The following UXS1 variants were observed in gnomAD, a reference collection of about 807,000 sequenced individuals.
UXS1 encodes the protein UDP-glucuronate decarboxylase 1.
In UXS1, 33 loss-of-function variants were observed where a neutral mutation model predicts 62.6. The observed-to-expected ratio is 0.53, with a 90% CI of 0.40 to 0.70. The LOEUF is 0.70. Ranked by LOEUF, UXS1 falls within the 30% of genes least tolerant of loss-of-function variation. The pLI is 0.00. For synonymous variants in UXS1, 213 were observed against 206.8 expected (o/e 1.03, Z -0.26); for missense variants, 434 against 556.3 (o/e 0.78, Z 2.21).
chr2:106,151,632 C>T (rs1174025538), intron 5 of UXS1, among the ~76,000 whole-genome samples: 1 of 152,116 alleles, frequency 6.6e-6, no homozygotes. Flanking sequence ...CGGCACAAAA[C>T]AAACTAAGAA....
chr2:106,138,943 G>T, intron 6 of UXS1: 1 of 922,450 alleles, frequency 1.1e-6, no homozygotes, highest in Non-Finnish European at 1.3e-6. Context: ...CTGAAGGGGA[G>T]AGAAGAGGGG....
intron 14 of UXS1, among the ~76,000 whole-genome samples, chr2:106,094,588 A>G (rs892004404): frequency 4.6e-5 from 7 of 152,068 alleles, no homozygotes; most frequent in African/African-American, 7.3e-5. Context: ...GCATCTGATC[A>G]ACACGCCTGA....
At chr2:106,140,414 A>G (rs1681005246) in intron 6 of UXS1, among the ~76,000 whole-genome samples, 1 of 152,236 alleles carries the variant, frequency 6.6e-6, no homozygotes, top group African/African-American at 2.4e-5. Context: ...TCTAAATGAT[A>G]CTTCAACAAA....
intron 7 of UXS1, among the ~76,000 whole-genome samples, 166 bp downstream of exon 7, chr2:106,129,508 T>A (rs1680254337): frequency 6.6e-6 from 1 of 152,074 alleles, no homozygotes; most frequent in African/African-American, 2.4e-5. Context: ...CAAATAAAAG[T>A]CACACTGAAA....
chr2:106,158,011 A>T lies in UXS1; in HGVS notation c.291+47T>A, dbSNP rs757437938. 3.4e-6 allele frequency: 5 copies of T among 1,462,936 alleles called. No homozygotes were observed. In the South Asian group the frequency reaches 6.2e-5, roughly 18 times the overall value. 90.6% of individuals were successfully genotyped at this position (1,462,936 alleles called of 1,614,324 possible). On this transcript the variant is annotated intron_variant, in intron 5 of 14. Coordinates refer to ENST00000283148, the MANE Select transcript of UXS1 (RefSeq NM_001253875.2). ...ATGTGAATTATCTCTCAACGAAAAA[A>T]GAAAGTTTCTTAATATTACAAATAC...
At chr2:106,129,620 A>G in intron 7 of UXS1, 54 bp downstream of exon 7, 1 of 1,383,748 alleles carries the variant, frequency 7.2e-7, no homozygotes, top group Non-Finnish European at 1.0e-6. Flanking sequence ...TATGCTTGTA[A>G]TCATCTAAAA....
chr2:106,130,519 C>T (rs1431140534), intron 6 of UXS1, among the ~76,000 whole-genome samples: 1 of 152,210 alleles, frequency 6.6e-6, no homozygotes, highest in Non-Finnish European at 1.5e-5. Context: ...TACTTTTAGC[C>T]AATGGTGAGG....
At chr2:106,095,844 G>A (rs866017155) in intron 14 of UXS1, among the ~76,000 whole-genome samples, 10 of 152,340 alleles carry the variant, frequency 6.6e-5, no homozygotes, top group African/African-American at 2.2e-4. Flanking sequence ...GAGGACGAGC[G>A]TTCTCTGGCG....
At chr2:106,165,448 A>G (rs2105062518) in intron 2 of UXS1, among the ~76,000 whole-genome samples, 1 of 152,334 alleles carries the variant, frequency 6.6e-6, no homozygotes, top group East Asian at 1.9e-4. Flanking sequence ...TTTCCTTTAC[A>G]TGGAAAACTA....
intron 1 of UXS1, among the ~76,000 whole-genome samples, chr2:106,177,441 C>T (rs1431757282): frequency 1.3e-5 from 2 of 152,094 alleles, no homozygotes; most frequent in East Asian, 3.9e-4. Flanking sequence ...GGTGAACCAC[C>T]TTTTTCGGCC....
chr2:106,158,165 T>C, intron 4 of UXS1, 47 bp from the exon 5 acceptor site: 2 of 1,456,362 alleles, frequency 1.4e-6, no homozygotes, highest in South Asian at 1.2e-5. Context: ...AACATCTCAT[T>C]TGAATATTTT....
At position 106,145,383 on chromosome 2, in the gene UXS1, A is replaced by G. The variant is rs554469975; in HGVS notation, c.292-13T>C. The G allele has an allele frequency of 8.1e-6, 13 of 1,607,170 alleles. No homozygotes were observed. In the South Asian group the frequency reaches 1.4e-4, roughly 18 times the overall value. ...CGCCTCCTGTTATCTGCATCCGGACAGCGTGTGCAGAGCATTCCCAGAAAA... is the reference window on the plus strand; with the variant it reads ...CGCCTCCTGTTATCTGCATCCGGACGGCGTGTGCAGAGCATTCCCAGAAAA... On this transcript the variant is annotated splice_polypyrimidine_tract_variant and intron_variant, in intron 5 of 14. Transcript: ENST00000283148.
rs1676855063 is a variant in UXS1, at chr2:106,093,816, G to C, written c.*210C>G. On this transcript the variant is annotated 3_prime_UTR_variant, in exon 15 of 15. Coordinates refer to ENST00000283148, the MANE Select transcript of UXS1 (RefSeq NM_001253875.2). The stretch of plus-strand genomic sequence containing the variant: ...GCATCTACGCTATTTTACATAAAAA[G>C]AGAGATTCAAAAAGTGCAAGGCAAA... 1 of 563,472 alleles carries C rather than the reference G, an allele frequency of 1.8e-6. No homozygotes were observed. Among genetic ancestry groups the C allele is most frequent in the South Asian group, 3.8e-5 (1 of 26,508 alleles). 34.9% of individuals were successfully genotyped at this position (563,472 alleles called of 1,614,324 possible). A position where few individuals can be genotyped will look rare whatever the true frequency, so the allele number is the denominator to read the frequency against.
chr2:106,127,521 C>T (rs1680060858), intron 7 of UXS1, among the ~76,000 whole-genome samples: 1 of 152,134 alleles, frequency 6.6e-6, no homozygotes, highest in Non-Finnish European at 1.5e-5. Flanking sequence ...TCTACAGAGA[C>T]AACTGTCAGG....
chr2:106,117,263 T>A (rs1357923022), intron 9 of UXS1, among the ~76,000 whole-genome samples: 3 of 152,244 alleles, frequency 2.0e-5, no homozygotes, highest in African/African-American at 7.2e-5. Flanking sequence ...AGCCTGTCAA[T>A]AATTATCTTG....
intron 6 of UXS1, among the ~76,000 whole-genome samples, chr2:106,144,923 T>C (rs1558721332): frequency 6.6e-6 from 1 of 152,184 alleles, no homozygotes; most frequent in Non-Finnish European, 1.5e-5. Context: ...ACAGCAGATG[T>C]GTACTACAGG....
chr2:106,185,536 T>C (rs1333441429), intron 1 of UXS1, among the ~76,000 whole-genome samples: 1 of 152,196 alleles, frequency 6.6e-6, no homozygotes. Flanking sequence ...CTGAAACATC[T>C]AGACATTAAG....
intron 5 of UXS1, among the ~76,000 whole-genome samples, chr2:106,150,385 GA>G (rs1681912537): frequency 6.6e-6 from 1 of 152,210 alleles, no homozygotes; most frequent in South Asian, 2.1e-4. Context: ...GAATGACCCT[GA>G]AGGCATTTCA....
intron 1 of UXS1, among the ~76,000 whole-genome samples, chr2:106,183,219 G>T (rs1161660998): frequency 1.5e-5 from 2 of 133,300 alleles, no homozygotes; most frequent in Admixed American, 1.6e-4. Flanking sequence ...ATAAAACCCA[G>T]CTGCCTGCTC....
Sources: gnomAD v4.1 joint callset for allele counts (sites outside exome capture counted in the v4.1 genomes callset) on GRCh38, gnomAD v4.1.1 for gene constraint, MANE v1.5 for transcripts, NCBI Gene and HGNC (gene_info 2026-07-23, HGNC 2026-07-21) for gene names.